Variants in MAST4 observed in about 807,000 individuals in gnomAD.
MAST4 encodes the protein microtubule associated serine/threonine kinase family member 4.
A neutral mutation model predicts 162.7 loss-of-function variants in MAST4; 89 were observed. That is an observed-to-expected ratio of 0.55 (90% confidence interval 0.46 to 0.65). The LOEUF (loss-of-function observed/expected upper bound fraction) is 0.65. Among genes scored for constraint, MAST4 ranks in the 30% least tolerant of loss-of-function variants. The pLI, the probability that MAST4 is intolerant of heterozygous loss-of-function variation, is 0.00. For missense variants in MAST4, 3,153 were observed against 3,374.0 expected (o/e 0.93, Z 1.62); for synonymous variants, 1,479 against 1,361.1 (o/e 1.09, Z -1.91).
chr5:66,656,288 G>A (rs1430894225), intron 1 of MAST4, among the ~76,000 whole-genome samples: 3 of 152,204 alleles, frequency 2.0e-5, no homozygotes, highest in Non-Finnish European at 4.4e-5. Context: ...TAATATAAAT[G>A]TTGTCTCCAC....
chr5:66,881,848 G>A (rs971797932), intron 3 of MAST4, among the ~76,000 whole-genome samples: 1 of 152,010 alleles, frequency 6.6e-6, no homozygotes, highest in Non-Finnish European at 1.5e-5. Context: ...TACCCGTCAG[G>A]CAAAAAGAAA....
At chr5:67,125,987 A>G (rs1768182354) in intron 14 of MAST4, among the ~76,000 whole-genome samples, 1 of 152,118 alleles carries the variant, frequency 6.6e-6, no homozygotes, top group African/African-American at 2.4e-5. Flanking sequence ...TTTGATTTGC[A>G]TGTCCAGTGA....
intron 3 of MAST4, among the ~76,000 whole-genome samples, chr5:66,815,145 G>A (rs564253664): frequency 1.1e-4 from 16 of 152,244 alleles, no homozygotes; most frequent in African/African-American, 3.4e-4. Context: ...ACTAAACATA[G>A]CTAAATGAAT....
Position 67,102,506 on chromosome 5 carries a change from G to A in MAST4, c.1071-30G>A, listed in dbSNP as rs1426275106. 3 of 1,604,974 alleles carry A rather than the reference G, an allele frequency of 1.9e-6. No homozygotes were observed. The South Asian group carries it at 3.3e-5, about 18-fold the overall frequency. On this transcript the variant is annotated intron_variant, in intron 8 of 28. Transcript: ENST00000403625. ...TTATTTTCATTTCATGCTGTGGCAAGTTTAAAAGGGTAATTTGCTTTGCTT... is the reference window on the plus strand; with the variant it reads ...TTATTTTCATTTCATGCTGTGGCAAATTTAAAAGGGTAATTTGCTTTGCTT...
At chr5:67,105,296 TGC>T (rs1765472623) in intron 10 of MAST4, among the ~76,000 whole-genome samples, 1 of 152,258 alleles carries the variant, frequency 6.6e-6, no homozygotes, top group Non-Finnish European at 1.5e-5. Context: ...GCACAAATTA[TGC>T]CTTTGCAAAC....
At chr5:66,685,326 CA>C (rs1748586955) in intron 1 of MAST4, among the ~76,000 whole-genome samples, 1 of 151,778 alleles carries the variant, frequency 6.6e-6, no homozygotes, top group African/African-American at 2.4e-5. Flanking sequence ...CAAAAACCCC[CA>C]AAAACCCCCA....
At chr5:66,703,806 T>G (rs1248020778) in intron 1 of MAST4, among the ~76,000 whole-genome samples, 1 of 152,166 alleles carries the variant, frequency 6.6e-6, no homozygotes, top group African/African-American at 2.4e-5. Context: ...AAGAAGTATG[T>G]TTATCTCTGC....
At chr5:67,041,793 T>G (rs1756777064) in intron 4 of MAST4, among the ~76,000 whole-genome samples, 1 of 152,232 alleles carries the variant, frequency 6.6e-6, no homozygotes, top group Admixed American at 6.5e-5. Flanking sequence ...CACACCCAGC[T>G]AATTTTTGTA....
At chr5:66,918,233 T>G (rs147091595) in intron 4 of MAST4, among the ~76,000 whole-genome samples, 1 of 152,296 alleles carries the variant, frequency 6.6e-6, no homozygotes, top group Non-Finnish European at 1.5e-5. Flanking sequence ...TGTAAGTTTT[T>G]AGTTTGCATG....
intron 3 of MAST4, among the ~76,000 whole-genome samples, chr5:66,834,386 C>G (rs762278402): frequency 6.6e-6 from 1 of 152,052 alleles, no homozygotes; most frequent in Non-Finnish European, 1.5e-5. Context: ...CAGGGAGGTA[C>G]CAGGAGGTAT....
At chr5:66,818,764 G>A (rs934922933) in intron 3 of MAST4, among the ~76,000 whole-genome samples, 1 of 152,208 alleles carries the variant, frequency 6.6e-6, no homozygotes, top group Non-Finnish European at 1.5e-5. Flanking sequence ...AAAAGGGGAG[G>A]TGTTCAGGAA....
At chr5:66,627,811 G>T (rs1387713184) in intron 1 of MAST4, among the ~76,000 whole-genome samples, 1 of 151,966 alleles carries the variant, frequency 6.6e-6, no homozygotes, top group Non-Finnish European at 1.5e-5. Flanking sequence ...GTGACTGTGG[G>T]ATCTTGCATA....
chr5:66,933,220 C>G (rs1048381822), intron 4 of MAST4, among the ~76,000 whole-genome samples: 2 of 151,906 alleles, frequency 1.3e-5, no homozygotes, highest in Non-Finnish European at 2.9e-5. Context: ...ACTTATATGC[C>G]CCTTTTATAT....
chr5:66,666,177 C>T (rs1273512057), intron 1 of MAST4, among the ~76,000 whole-genome samples: 1 of 152,176 alleles, frequency 6.6e-6, no homozygotes, highest in African/African-American at 2.4e-5. Flanking sequence ...CTTACATTTG[C>T]CAAGACCACG....
intron 5 of MAST4, among the ~76,000 whole-genome samples, chr5:67,063,216 A>T (rs192654222): frequency 2.6e-5 from 4 of 151,980 alleles, no homozygotes; most frequent in Admixed American, 6.5e-5. Flanking sequence ...TTAAGTAATG[A>T]CACATCTTGC....
chr5:66,822,979 C>T (rs1219649056), intron 3 of MAST4, among the ~76,000 whole-genome samples: 1 of 151,982 alleles, frequency 6.6e-6, no homozygotes, highest in East Asian at 1.9e-4. Context: ...CTTCATAATC[C>T]CCATGTGTCA....
intron 1 of MAST4, among the ~76,000 whole-genome samples, chr5:66,637,731 G>T (rs148209879): frequency 6.6e-6 from 1 of 151,776 alleles, no homozygotes; most frequent in South Asian, 2.1e-4. Flanking sequence ...TTTGAGACAG[G>T]GTCTTACTCT....
chr5:67,118,976 CT>C (rs1767252487), intron 13 of MAST4, among the ~76,000 whole-genome samples: 1 of 152,126 alleles, frequency 6.6e-6, no homozygotes, highest in Non-Finnish European at 1.5e-5. Context: ...GGAAATGGCA[CT>C]TGAGCTAAAT....
At chr5:67,047,525 A>G (rs1354852547) in intron 4 of MAST4, among the ~76,000 whole-genome samples, 1 of 152,180 alleles carries the variant, frequency 6.6e-6, no homozygotes. Flanking sequence ...CCACCCCTGC[A>G]ATCTCTGTCC....
Sources: gnomAD v4.1 joint callset for allele counts (sites outside exome capture counted in the v4.1 genomes callset) on GRCh38, gnomAD v4.1.1 for gene constraint, MANE v1.5 for transcripts, NCBI Gene and HGNC (gene_info 2026-07-23, HGNC 2026-07-21) for gene names.